Variants in LHFPL6 observed in about 807,000 individuals in gnomAD.
LHFPL6 encodes LHFPL tetraspan subfamily member 6.
In LHFPL6, 9 loss-of-function variants were observed where a neutral mutation model predicts 20.6. That is an observed-to-expected ratio of 0.44 (90% CI 0.26 to 0.76). The LOEUF (loss-of-function observed/expected upper bound fraction) is 0.76. Ranked by LOEUF, LHFPL6 falls within the 30% of genes least tolerant of loss-of-function variation. The pLI is 0.20. For missense variants in LHFPL6, 218 were observed against 253.5 expected (o/e 0.86, Z 0.95); for synonymous variants, 105 against 98.7 (o/e 1.06, Z -0.38).
intron 2 of LHFPL6, among the ~76,000 whole-genome samples, chr13:39,510,799 A>C (rs950733123): frequency 6.6e-6 from 1 of 152,226 alleles, no homozygotes; most frequent in Non-Finnish European, 1.5e-5. Flanking sequence ...ATAATTGAAG[A>C]GGAAAACTAC....
chr13:39,582,190 T>G (rs1191517845), intron 2 of LHFPL6, among the ~76,000 whole-genome samples: 2 of 152,150 alleles, frequency 1.3e-5, no homozygotes, highest in African/African-American at 4.8e-5. Flanking sequence ...CTCATGGACT[T>G]GAAAAGAGAG....
chr13:39,475,542 T>C (rs1471296692), intron 2 of LHFPL6, among the ~76,000 whole-genome samples: 1 of 152,032 alleles, frequency 6.6e-6, no homozygotes, highest in Non-Finnish European at 1.5e-5. Flanking sequence ...CCACCAAAAT[T>C]GCAAGGATGC....
intron 2 of LHFPL6, among the ~76,000 whole-genome samples, chr13:39,459,653 A>G (rs915309068): frequency 6.6e-6 from 1 of 152,008 alleles, no homozygotes; most frequent in African/African-American, 2.4e-5. Flanking sequence ...TTGGTTATAC[A>G]CTCTTATTTA....
intron 2 of LHFPL6, among the ~76,000 whole-genome samples, chr13:39,464,630 T>C (rs1872757828): frequency 6.6e-6 from 1 of 152,066 alleles, no homozygotes; most frequent in African/African-American, 2.4e-5. Context: ...TAGCTAAATA[T>C]ACTTTTATTT....
intron 2 of LHFPL6, among the ~76,000 whole-genome samples, chr13:39,409,707 G>C (rs1040573306): frequency 6.6e-6 from 1 of 151,872 alleles, no homozygotes; most frequent in African/African-American, 2.4e-5. Flanking sequence ...GAATTATTTG[G>C]GTAAAACTTA....
At chr13:39,440,376 T>A (rs1872084019) in intron 2 of LHFPL6, among the ~76,000 whole-genome samples, 1 of 152,122 alleles carries the variant, frequency 6.6e-6, no homozygotes, top group African/African-American at 2.4e-5. Flanking sequence ...TGCCAGTAAT[T>A]TAAGCCCTCT....
chr13:39,461,732 C>G (rs1872692331), intron 2 of LHFPL6, among the ~76,000 whole-genome samples: 1 of 152,116 alleles, frequency 6.6e-6, no homozygotes, highest in Non-Finnish European at 1.5e-5. Context: ...GGTGAAGGGA[C>G]AGCTGGGAAA....
intron 2 of LHFPL6, among the ~76,000 whole-genome samples, chr13:39,405,988 C>A (rs1202431947): frequency 6.6e-6 from 1 of 152,134 alleles, no homozygotes; most frequent in Non-Finnish European, 1.5e-5. Context: ...TTAAAAGAGT[C>A]CTCATGGGTG....
At chr13:39,589,101 C>T (rs1234763090) in intron 2 of LHFPL6, among the ~76,000 whole-genome samples, 1 of 152,048 alleles carries the variant, frequency 6.6e-6, no homozygotes, top group Non-Finnish European at 1.5e-5. Flanking sequence ...ACTGGAATGA[C>T]ATCTACCAGA....
chr13:39,376,704 C>G (rs1290162306), intron 3 of LHFPL6, among the ~76,000 whole-genome samples: 1 of 152,024 alleles, frequency 6.6e-6, no homozygotes, highest in Admixed American at 6.6e-5. Context: ...TATAGTAATA[C>G]TGCCATTAGA....
intron 2 of LHFPL6, among the ~76,000 whole-genome samples, chr13:39,575,202 T>G (rs1195544205): frequency 6.6e-6 from 1 of 152,160 alleles, no homozygotes; most frequent in Non-Finnish European, 1.5e-5. Flanking sequence ...ACCAGAGCTA[T>G]ACTACCTTTC....
chr13:39,451,502 A>T (rs900288415), intron 2 of LHFPL6, among the ~76,000 whole-genome samples: 2 of 152,210 alleles, frequency 1.3e-5, no homozygotes. Context: ...AAGAAAGAAA[A>T]CTGTTTCACA....
intron 2 of LHFPL6, among the ~76,000 whole-genome samples, chr13:39,434,163 C>A (rs1185408): frequency 0.012 from 1,807 of 152,288 alleles, 37 homozygotes; most frequent in African/African-American, 0.042. Context: ...GATCTTTTCT[C>A]ATTAATAAAA....
chr13:39,536,048 T>C (rs1047098221), intron 2 of LHFPL6, among the ~76,000 whole-genome samples: 8 of 152,334 alleles, frequency 5.3e-5, no homozygotes, highest in African/African-American at 1.7e-4. Context: ...ATTCAACTTA[T>C]ACATTCAATG....
chr13:39,582,556 G>A (rs1326014687), intron 2 of LHFPL6, among the ~76,000 whole-genome samples: 2 of 152,206 alleles, frequency 1.3e-5, no homozygotes, highest in Non-Finnish European at 2.9e-5. Flanking sequence ...TTGATCAGTA[G>A]CAAAATATTC....
intron 2 of LHFPL6, among the ~76,000 whole-genome samples, chr13:39,416,413 AT>A (rs1259745189): frequency 6.6e-6 from 1 of 151,814 alleles, no homozygotes; most frequent in Non-Finnish European, 1.5e-5. Context: ...AGGCCAATTC[AT>A]TCTCCAGTTC....
intron 2 of LHFPL6, among the ~76,000 whole-genome samples, chr13:39,392,621 A>G (rs562245408): frequency 1.1e-4 from 16 of 147,124 alleles, no homozygotes; most frequent in Non-Finnish European, 2.3e-4. Flanking sequence ...AAACAAAACA[A>G]AAGAGTAAAT....
chr13:39,463,053 C>T (rs1386223360), intron 2 of LHFPL6, among the ~76,000 whole-genome samples: 1 of 152,172 alleles, frequency 6.6e-6, no homozygotes, highest in Non-Finnish European at 1.5e-5. Context: ...TGTAGTCTTC[C>T]TCTACCTCAC....
At chr13:39,503,434 C>G (rs1397761539) in intron 2 of LHFPL6, among the ~76,000 whole-genome samples, 1 of 152,208 alleles carries the variant, frequency 6.6e-6, no homozygotes, top group Non-Finnish European at 1.5e-5. Flanking sequence ...CCATCCCCCC[C>G]ACATACTACC....
Sources: gnomAD v4.1 joint callset for allele counts (sites outside exome capture counted in the v4.1 genomes callset) on GRCh38, gnomAD v4.1.1 for gene constraint, MANE v1.5 for transcripts, NCBI Gene and HGNC (gene_info 2026-07-23, HGNC 2026-07-21) for gene names.